The following USP37 variants were observed in gnomAD, a reference collection of about 807,000 sequenced individuals.
The protein encoded by USP37 is ubiquitin specific peptidase 37, also known as ubiquitin carboxyl-terminal hydrolase 37.
USP37 carries 27 observed loss-of-function variants against 124.0 expected under a neutral mutation model. The observed-to-expected ratio is 0.22, with a 90% CI of 0.16 to 0.30. The LOEUF (loss-of-function observed/expected upper bound fraction) is 0.30. Among genes scored for constraint, USP37 ranks in the 10% least tolerant of loss-of-function variants. The pLI, the probability that USP37 is intolerant of heterozygous loss-of-function variation, is 1.00. For synonymous variants in USP37, 365 were observed against 388.0 expected (o/e 0.94, Z 0.70); for missense variants, 889 against 1,140.4 (o/e 0.78, Z 3.17).
At chr2:218,559,842 T>C (rs1019136261) in intron 3 of USP37, among the ~76,000 whole-genome samples, 1 of 152,144 alleles carries the variant, frequency 6.6e-6, no homozygotes, top group South Asian at 2.1e-4. Context: ...TAGCCTGGCA[T>C]GGTCATGTGC....
At chr2:218,525,322 A>C (rs1162229793) in intron 10 of USP37, among the ~76,000 whole-genome samples, 1 of 152,098 alleles carries the variant, frequency 6.6e-6, no homozygotes, top group Non-Finnish European at 1.5e-5. Context: ...GTCTACGAAA[A>C]ATACCAAAAA....
chr2:218,463,175 AACACAC>A (rs3835979), intron 22 of USP37, 125 bp downstream of exon 22: 21,263 of 526,968 alleles, frequency 0.04, 385 homozygotes, highest in East Asian at 0.071. Context: ...CCCCACAATA[AACACAC>A]ACACACACAC....
At chr2:218,545,871 A>T (rs1056833478) in intron 8 of USP37, among the ~76,000 whole-genome samples, 8 of 151,196 alleles carry the variant, frequency 5.3e-5, no homozygotes, top group Middle Eastern at 3.4e-3. Flanking sequence ...AAAAGTAAAA[A>T]TTTTTTTTTT....
At chr2:218,492,831 C>G (rs1184142213) in intron 14 of USP37, among the ~76,000 whole-genome samples, 1 of 152,098 alleles carries the variant, frequency 6.6e-6, no homozygotes, top group African/African-American at 2.4e-5. Context: ...ACAGTGAGAG[C>G]CCGTCTCTAG....
At chr2:218,503,160 TA>T (rs1273113160) in intron 11 of USP37, among the ~76,000 whole-genome samples, 1 of 152,074 alleles carries the variant, frequency 6.6e-6, no homozygotes, top group Non-Finnish European at 1.5e-5. Flanking sequence ...TAAGAAATGT[TA>T]AAGCGACATT....
rs1691881894 is a variant in USP37 at position 218,490,650 on chromosome 2, CCTCT to C, written c.1473-2233_1473-2230del. Among the ~76,000 whole-genome samples, 4 of 152,242 alleles carry C rather than the reference CCTCT, an allele frequency of 2.6e-5. No individual in the cohort carries two copies. In the South Asian group the frequency reaches 8.3e-4, roughly 32 times the overall value. On this transcript the variant is annotated intron_variant, in intron 14 of 25. Coordinates refer to ENST00000258399, the MANE Select transcript of USP37 (RefSeq NM_020935.3). ...TGATTCAACGAACATTTACTGAGTG[CCTCT>C]CTAACAGGCAGAATTCTAAGGTGAC...
intron 17 of USP37, among the ~76,000 whole-genome samples, chr2:218,480,786 T>C (rs77086718): frequency 1.3e-4 from 20 of 152,298 alleles, no homozygotes; most frequent in Non-Finnish European, 2.9e-4. Context: ...TAGTGTGACA[T>C]AGTACTACTG....
chr2:218,534,619 A>G lies in USP37; in HGVS notation c.768T>C (p.Asn256=), dbSNP rs889200778. 5.6e-6 allele frequency: 9 copies of G among 1,602,316 alleles called. No individual in the cohort carries two copies. In the African/African-American group the frequency reaches 6.7e-5, roughly 12 times the overall value. The part of the protein sequence containing the change: ...KQLSLKQSEE[N]RTSGLLPLQS... ...AGATCAAACACTTACCTGATGTCCT[A>G]TTCTCTTCTGACTGTTTCAAACTCA... is the stretch of plus-strand genomic sequence containing the variant. The change falls in exon 9 of 26, where the codon AAT becomes AAC. Residue 256 remains asparagine (N), a synonymous_variant. Coordinates refer to ENST00000258399, the MANE Select transcript of USP37 (RefSeq NM_020935.3).
intron 13 of USP37, 54 bp downstream of exon 13, chr2:218,497,680 G>A: frequency 6.2e-7 from 1 of 1,603,032 alleles, no homozygotes; most frequent in Non-Finnish European, 8.5e-7. Context: ...TGGAATTACA[G>A]ACGTGAGCCA....
intron 5 of USP37, among the ~76,000 whole-genome samples, chr2:218,551,854 G>A (rs781319768): frequency 5.3e-5 from 8 of 151,564 alleles, no homozygotes; most frequent in Non-Finnish European, 1.0e-4. Context: ...GTGCAGTGGC[G>A]CAATCTCGGC....
At chr2:218,547,181 T>A (rs1692379783) in intron 6 of USP37, 90 bp from the exon 7 acceptor site, 2 of 1,402,928 alleles carry the variant, frequency 1.4e-6, no homozygotes, top group Admixed American at 2.6e-5. Flanking sequence ...GTTTAAAAAA[T>A]ACAAATGGAG....
intron 1 of USP37, among the ~76,000 whole-genome samples, chr2:218,563,190 G>GT (rs1559234726): frequency 6.7e-6 from 1 of 149,318 alleles, no homozygotes; most frequent in Non-Finnish European, 1.5e-5. Context: ...GAAAGTGATC[G>GT]TTTATACAAC....
At chr2:218,470,061 C>T (rs142855651) in intron 20 of USP37, among the ~76,000 whole-genome samples, 4,217 of 152,042 alleles carry the variant, frequency 0.028, 188 homozygotes, top group African/African-American at 0.095. Context: ...ACCTCGTGAT[C>T]CACCCACCTC....
At position 218,510,906 on chromosome 2, in the gene USP37, G is replaced by C. The variant is rs1421379270; in HGVS notation, c.864-766C>G. ...GCTACTTGGGAGGCTGAGGTGGGCA[G>C]ACTGATTGAGCCTGGGAGGCAGAGG... On this transcript the variant is annotated intron_variant, in intron 10 of 25. Coordinates refer to ENST00000258399, the MANE Select transcript of USP37 (RefSeq NM_020935.3). Among the ~76,000 whole-genome samples the C allele has an allele frequency of 2.0e-5, 3 of 152,028 alleles. No homozygotes were observed. In the South Asian group the frequency reaches 6.2e-4, roughly 32 times the overall value.
chr2:218,549,938 A>T, intron 5 of USP37, 29 bp from the exon 6 acceptor site: 1 of 1,496,986 alleles, frequency 6.7e-7, no homozygotes, highest in Non-Finnish European at 9.1e-7. Flanking sequence ...ATTTTTTTTA[A>T]AATCCCCAAA....
chr2:218,480,338 T>A (rs578229896), intron 17 of USP37, among the ~76,000 whole-genome samples: 1 of 138,020 alleles, frequency 7.2e-6, no homozygotes, highest in African/African-American at 2.7e-5. Flanking sequence ...AGGCGCAGCT[T>A]GCAGTAAGCG....
chr2:218,498,251 AC>A, intron 11 of USP37, 94 bp from the exon 12 acceptor site: 2 of 1,324,940 alleles, frequency 1.5e-6, no homozygotes, highest in Admixed American at 2.6e-5. Context: ...TTTCAGAATC[AC>A]CTGGAGGGCT....
At chr2:218,455,862 A>C in intron 24 of USP37, 144 bp from the exon 25 acceptor site, 3 of 809,912 alleles carry the variant, frequency 3.7e-6, no homozygotes, top group Non-Finnish European at 5.5e-6. Context: ...CCTCACCAAC[A>C]TGGTGAAGCC....
chr2:218,522,180 C>T (rs543613078), intron 10 of USP37, among the ~76,000 whole-genome samples: 1 of 151,914 alleles, frequency 6.6e-6, no homozygotes, highest in East Asian at 1.9e-4. Context: ...ACCGCACCAA[C>T]ATTAAGTCTT....
Sources: gnomAD v4.1 joint callset for allele counts (sites outside exome capture counted in the v4.1 genomes callset) on GRCh38, gnomAD v4.1.1 for gene constraint, MANE v1.5 for transcripts, NCBI Gene and HGNC (gene_info 2026-07-23, HGNC 2026-07-21) for gene names.